PHACTR1: variants seen among roughly 807,000 people sequenced by gnomAD.
The protein encoded by PHACTR1 is phosphatase and actin regulator 1.
Under a neutral mutation model 69.2 loss-of-function variants are expected in PHACTR1, and 16 were observed. That is an observed-to-expected ratio of 0.23 (90% CI 0.16 to 0.35). PHACTR1 has a LOEUF of 0.35. Ranked by LOEUF, PHACTR1 falls within the 10% of genes least tolerant of loss-of-function variation. The probability of loss-of-function intolerance (pLI) is 1.00; values close to 1 mark genes in which losing one functional copy is unlikely to be tolerated. For synonymous variants in PHACTR1, 312 were observed against 284.5 expected (o/e 1.10, Z -0.97); for missense variants, 510 against 734.7 (o/e 0.69, Z 3.54).
At chr6:12,821,247 A>T (rs1776164764) in intron 4 of PHACTR1, among the ~76,000 whole-genome samples, 1 of 152,166 alleles carries the variant, frequency 6.6e-6, no homozygotes. Flanking sequence ...GGATGACCTG[A>T]GGTCAGGAGT....
At chr6:12,941,177 T>C (rs1371894494) in intron 4 of PHACTR1, among the ~76,000 whole-genome samples, 1 of 152,150 alleles carries the variant, frequency 6.6e-6, no homozygotes, top group Non-Finnish European at 1.5e-5. Context: ...TGAGTCCCAA[T>C]ACGTTTGGGT....
intron 4 of PHACTR1, among the ~76,000 whole-genome samples, chr6:12,864,720 A>G (rs1433436171): frequency 6.6e-6 from 1 of 151,526 alleles, no homozygotes; most frequent in African/African-American, 2.4e-5. Context: ...TCACACCCCC[A>G]CAGTCTTAAA....
intron 4 of PHACTR1, among the ~76,000 whole-genome samples, chr6:12,926,816 T>C (rs993169937): frequency 6.6e-6 from 1 of 152,248 alleles, no homozygotes; most frequent in African/African-American, 2.4e-5. Flanking sequence ...GAGCTCACAG[T>C]ACTTACAGAC....
At chr6:12,897,363 C>T (rs949695628) in intron 4 of PHACTR1, among the ~76,000 whole-genome samples, 1 of 152,310 alleles carries the variant, frequency 6.6e-6, no homozygotes, top group Admixed American at 6.5e-5. Context: ...ACCCCTCTGG[C>T]CACAGACTCC....
chr6:13,212,667 G>GT (rs1767038588), intron 8 of PHACTR1, among the ~76,000 whole-genome samples: 1 of 151,954 alleles, frequency 6.6e-6, no homozygotes, highest in South Asian at 2.1e-4. Flanking sequence ...TCCCCTCTCT[G>GT]TTGCTCCCTC....
intron 4 of PHACTR1, among the ~76,000 whole-genome samples, chr6:13,037,545 C>T (rs980725773): frequency 1.3e-5 from 2 of 152,112 alleles, no homozygotes; most frequent in Admixed American, 1.3e-4. Context: ...CCAGGCAGAC[C>T]GAATGGCCTT....
intron 3 of PHACTR1, among the ~76,000 whole-genome samples, chr6:12,722,764 A>G (rs137873311): frequency 1.3e-5 from 2 of 152,150 alleles, no homozygotes; most frequent in African/African-American, 4.8e-5. Context: ...TGTTGCAGAG[A>G]GCAGAAAATG....
chr6:12,761,365 T>G (rs933156150), intron 4 of PHACTR1, among the ~76,000 whole-genome samples: 1 of 152,206 alleles, frequency 6.6e-6, no homozygotes, highest in African/African-American at 2.4e-5. Context: ...AAACACTGAC[T>G]CCAGCATTTA....
At chr6:13,184,617 T>A (rs1170422133) in intron 7 of PHACTR1, among the ~76,000 whole-genome samples, 1 of 152,230 alleles carries the variant, frequency 6.6e-6, no homozygotes, top group East Asian at 1.9e-4. Context: ...CTCCTCTCTC[T>A]GTCCTCCTGC....
intron 7 of PHACTR1, among the ~76,000 whole-genome samples, chr6:13,200,938 T>A (rs1367137650): frequency 1.4e-5 from 2 of 144,252 alleles, no homozygotes; most frequent in Non-Finnish European, 3.0e-5. Flanking sequence ...AGCGAAACTC[T>A]GTCTCAAAAA....
At chr6:13,258,939 C>T (rs1444796816) in intron 10 of PHACTR1, among the ~76,000 whole-genome samples, 3 of 152,202 alleles carry the variant, frequency 2.0e-5, no homozygotes, top group African/African-American at 7.2e-5. Context: ...ATATATAGCT[C>T]TAACTGAAAG....
At chr6:13,041,481 G>A (rs553929487) in intron 4 of PHACTR1, among the ~76,000 whole-genome samples, 3 of 151,948 alleles carry the variant, frequency 2.0e-5, no homozygotes, top group South Asian at 2.1e-4. Context: ...ATGATAAATG[G>A]CACTGAAAAA....
chr6:13,091,757 C>T (rs530279711), intron 5 of PHACTR1, among the ~76,000 whole-genome samples: 274 of 152,182 alleles, frequency 1.8e-3, no homozygotes, highest in Non-Finnish European at 2.9e-3. Flanking sequence ...TCATAAGAAG[C>T]GGGCAACCTA....
intron 4 of PHACTR1, among the ~76,000 whole-genome samples, chr6:12,758,557 ACAT>A (rs554376372): frequency 7.2e-4 from 109 of 152,154 alleles, no homozygotes; most frequent in Non-Finnish European, 5.7e-4. Context: ...CATCAGATTG[ACAT>A]CATTATTATT....
intron 5 of PHACTR1, among the ~76,000 whole-genome samples, chr6:13,072,519 A>G (rs1190400963): frequency 2.0e-5 from 3 of 152,222 alleles, no homozygotes; most frequent in Admixed American, 2.0e-4. Flanking sequence ...CATAGTTGAA[A>G]TCAAAATATA....
chr6:12,862,689 G>C (rs150734464), intron 4 of PHACTR1, among the ~76,000 whole-genome samples: 64 of 152,142 alleles, frequency 4.2e-4, no homozygotes, highest in South Asian at 1.0e-3. Context: ...GCAGGGTCTA[G>C]AACAAGGAAT....
intron 11 of PHACTR1, 64 bp downstream of exon 11, chr6:13,272,979 T>A: frequency 6.2e-7 from 1 of 1,600,416 alleles, no homozygotes; most frequent in Non-Finnish European, 8.5e-7. Flanking sequence ...TATTTAATGG[T>A]AGGCCACAAG....
chr6:12,765,508 C>T (rs565629149), intron 4 of PHACTR1, among the ~76,000 whole-genome samples: 19 of 152,270 alleles, frequency 1.2e-4, no homozygotes, highest in Admixed American at 3.3e-4. Context: ...TTAGACCAAA[C>T]TTATTGGATT....
chr6:12,855,522 C>T (rs941851090), intron 4 of PHACTR1, among the ~76,000 whole-genome samples: 1 of 152,166 alleles, frequency 6.6e-6, no homozygotes, highest in Non-Finnish European at 1.5e-5. Flanking sequence ...GGCCATTATC[C>T]TAAGCGAATT....
Sources: gnomAD v4.1 joint callset for allele counts (sites outside exome capture counted in the v4.1 genomes callset) on GRCh38, gnomAD v4.1.1 for gene constraint, MANE v1.5 for transcripts, NCBI Gene and HGNC (gene_info 2026-07-23, HGNC 2026-07-21) for gene names.